Variants in SRPX2 observed in about 807,000 individuals in gnomAD.
SRPX2 encodes sushi repeat-containing protein SRPX2.
SRPX2 carries 26 observed loss-of-function variants against 45.3 expected under a neutral mutation model. That is an observed-to-expected ratio of 0.57 (90% CI 0.42 to 0.80). The LOEUF (loss-of-function observed/expected upper bound fraction) is 0.80, where lower values mean the gene tolerates loss of function less well. SRPX2 is among the 30% of genes least tolerant of loss of function. The pLI is 0.00. For synonymous variants in SRPX2, 125 were observed against 143.7 expected (o/e 0.87, Z 0.93); for missense variants, 355 against 399.8 (o/e 0.89, Z 0.95).
rs140667616 is a variant in SRPX2, at chrX:100,656,655, T to G, written c.164-5521T>G. On this transcript the variant is annotated intron_variant, in intron 3 of 10. Coordinates refer to ENST00000373004, the MANE Select transcript of SRPX2 (RefSeq NM_014467.3). Reference sequence around the variant, plus strand: ...TGCTGCAAATGACAGGATTTCATTCTTTATTATGGCCAAATACTATTCTAT... The same window carrying G: ...TGCTGCAAATGACAGGATTTCATTCGTTATTATGGCCAAATACTATTCTAT... 1.5e-3 allele frequency among the ~76,000 whole-genome samples: 163 copies of G among 112,409 alleles called. 1 individual carries two copies. Among genetic ancestry groups the G allele is most frequent in the African/African-American group, 5.1e-3 (157 of 30,957 alleles).
chrX:100,671,834 G>A lies in SRPX2; in HGVS notation c.*847G>A, dbSNP rs2083227407. 1 of 112,290 alleles carries A rather than the reference G, an allele frequency of 8.9e-6. No homozygotes were observed. Among genetic ancestry groups the A allele is most frequent in the Admixed American group, 9.4e-5 (1 of 10,653 alleles). 9.3% of individuals were successfully genotyped at this position (112,290 alleles called of 1,213,427 possible). On this transcript the variant is annotated 3_prime_UTR_variant, in exon 11 of 11. Transcript: ENST00000373004. ...GCTTCACTGTTAGAAAAACCCTGCAGTGGGAGAGAGCTTGGTAAGATGTAT... is the reference window on the plus strand; with the variant it reads ...GCTTCACTGTTAGAAAAACCCTGCAATGGGAGAGAGCTTGGTAAGATGTAT...
intron 8 of SRPX2, 58 bp downstream of exon 8, chrX:100,666,991 A>C: frequency 1.7e-6 from 2 of 1,162,812 alleles, no homozygotes; most frequent in South Asian, 3.7e-5. Context: ...ACTTTGGAGG[A>C]TCTTCCTCAT....
In SRPX2 at chrX:100,674,879, G is replaced by T. The variant is rs915837585; in HGVS notation, c.*3892G>T. The T allele has an allele frequency of 1.8e-5, 2 of 111,781 alleles. No individual in the cohort carries two copies. Among genetic ancestry groups the T allele is most frequent in the African/African-American group, 6.5e-5 (2 of 30,686 alleles). 9.2% of individuals were successfully genotyped at this position (111,781 alleles called of 1,213,427 possible). A position where few individuals can be genotyped will look rare whatever the true frequency, so the allele number is the denominator to read the frequency against. ...AAAAGCCTCAACACACTACACCCAT[G>T]TAATATGTAGGTCAAATTTAGGAAA... On this transcript the variant is annotated 3_prime_UTR_variant, in exon 11 of 11. Transcript: ENST00000373004.
Position 100,646,353 on chromosome X carries a change from C to T in SRPX2, c.31C>T (p.Leu11Phe), listed in dbSNP as rs1173142535. The change falls in exon 2 of 11, where the codon CTC becomes TTC. Residue 11 changes from leucine (L) to phenylalanine (F), a missense_variant. By Grantham distance (22) the Leu-to-Phe change is conservative (BLOSUM62 0). Coordinates refer to ENST00000373004, the MANE Select transcript of SRPX2 (RefSeq NM_014467.3). ...CAGTCAGCTAACTCAAAGAGGAGCT[C>T]TCTTTCTGCTGTTCTTCCTAACTCC... MASQLTQRGA[L>F]FLLFFLTPAV... 8.3e-7 allele frequency: 1 copy of T among 1,211,384 alleles called. No homozygotes were observed. The highest frequency in any genetic ancestry group is 2.2e-5 in the Admixed American group (1 of 46,045).
chrX:100,645,335 G>A (rs1028407856), intron 1 of SRPX2, among the ~76,000 whole-genome samples: 4 of 112,042 alleles, frequency 3.6e-5, no homozygotes, highest in African/African-American at 1.3e-4. Context: ...GTATTTGCCC[G>A]CTGGGAACCA....
intron 3 of SRPX2, among the ~76,000 whole-genome samples, chrX:100,652,691 G>A (rs748666566): frequency 9.0e-6 from 1 of 111,707 alleles, no homozygotes; most frequent in Non-Finnish European, 1.9e-5. Context: ...TGAGGGTAAA[G>A]GAAAGATGTT....
chrX:100,653,385 C>T (rs182019226), intron 3 of SRPX2, among the ~76,000 whole-genome samples: 1 of 111,500 alleles, frequency 9.0e-6, no homozygotes, highest in East Asian at 2.8e-4. Flanking sequence ...CCCTTTTCCT[C>T]ATCACTTCCT....
Position 100,673,617 on chromosome X carries a change from G to A in SRPX2, c.*2630G>A, listed in dbSNP as rs185985074. On this transcript the variant is annotated 3_prime_UTR_variant, in exon 11 of 11. Coordinates refer to ENST00000373004, the MANE Select transcript of SRPX2 (RefSeq NM_014467.3). ...ATACACACACACTCACTCACAAGCA[G>A]TACAGTCACTAAGTTGGCTAGGTAA... The A allele has an allele frequency of 8.9e-4, 99 of 111,125 alleles. No individual in the cohort carries two copies. Among genetic ancestry groups the A allele is most frequent in the African/African-American group, 3.1e-3 (96 of 30,534 alleles). 9.2% of individuals were successfully genotyped at this position (111,125 alleles called of 1,213,427 possible). A position where few individuals can be genotyped will look rare whatever the true frequency, so the allele number is the denominator to read the frequency against.
At chrX:100,668,166 A>T (rs2147650870) in intron 9 of SRPX2, among the ~76,000 whole-genome samples, 1 of 109,682 alleles carries the variant, frequency 9.1e-6, no homozygotes, top group East Asian at 2.9e-4. Context: ...GTTACTGAAG[A>T]TAATTCAGGA....
chrX:100,663,834 C>G (rs1462306415), intron 4 of SRPX2, among the ~76,000 whole-genome samples: 1 of 112,237 alleles, frequency 8.9e-6, no homozygotes, highest in Non-Finnish European at 1.9e-5. Context: ...TTACCAAATA[C>G]CACACCTGGC....
chrX:100,667,130 T>C, intron 8 of SRPX2, 144 bp from the exon 9 acceptor site: 8 of 1,047,841 alleles, frequency 7.6e-6, no homozygotes, highest in Non-Finnish European at 1.0e-5. Context: ...TCTCTAAGTG[T>C]TCTTTTAGGA....
intron 3 of SRPX2, among the ~76,000 whole-genome samples, chrX:100,655,769 G>A (rs977621089): frequency 2.7e-5 from 3 of 110,047 alleles, no homozygotes; most frequent in Admixed American, 9.7e-5. Context: ...TAGAACACAG[G>A]AGATACACAA....
rs746518092 is a variant in SRPX2 at position 100,669,417 on chromosome X, G to A, written c.1217+48G>A. On this transcript the variant is annotated intron_variant, in intron 10 of 10. Coordinates refer to ENST00000373004, the MANE Select transcript of SRPX2 (RefSeq NM_014467.3). ...ACTTGGGGGGAGGGGGGGCTGGGGC[G>A]GGGGGAGAAACCCTAGGCAGGACAC... 2.0e-4 allele frequency: 189 copies of A among 926,207 alleles called. 2 individuals carry two copies. The highest frequency in any genetic ancestry group is 2.2e-4 in the Non-Finnish European group (145 of 671,554). 76.3% of individuals were successfully genotyped at this position (926,207 alleles called of 1,213,427 possible). A position where few individuals can be genotyped will look rare whatever the true frequency, so the allele number is the denominator to read the frequency against.
intron 2 of SRPX2, among the ~76,000 whole-genome samples, chrX:100,648,811 G>C (rs1266373084): frequency 8.9e-6 from 1 of 112,066 alleles, no homozygotes; most frequent in African/African-American, 3.2e-5. Flanking sequence ...GATTGCAAAA[G>C]AGATTTTGGA....
At chrX:100,649,171 C>G (rs189518485) in intron 2 of SRPX2, 8 of 112,250 alleles carry the variant, frequency 7.1e-5, no homozygotes, top group African/African-American at 2.6e-4. Context: ...ACTCCTGACA[C>G]TCCTGTTTTC....
At chrX:100,645,612 T>A (rs958990558) in intron 1 of SRPX2, among the ~76,000 whole-genome samples, 2 of 112,158 alleles carry the variant, frequency 1.8e-5, no homozygotes, top group Non-Finnish European at 3.8e-5. Flanking sequence ...TTCAGTCCTG[T>A]CCAATACAAA....
At chrX:100,657,981 G>A (rs1281610200) in intron 3 of SRPX2, among the ~76,000 whole-genome samples, 2 of 112,321 alleles carry the variant, frequency 1.8e-5, no homozygotes, top group Admixed American at 9.4e-5. Flanking sequence ...TGAGTTGTTC[G>A]AGTTCCTTGT....
chrX:100,666,469 C>G (rs775657482), intron 7 of SRPX2, among the ~76,000 whole-genome samples: 88 of 112,635 alleles, frequency 7.8e-4, no homozygotes, highest in African/African-American at 2.8e-3. Flanking sequence ...TCCATAAAGT[C>G]TGGAAACAGA....
intron 2 of SRPX2, 59 bp downstream of exon 2, chrX:100,646,463 TTGGAGAAGGAAGAGTTAGAC>T (rs1489970649): frequency 9.7e-7 from 1 of 1,033,352 alleles, no homozygotes; most frequent in Non-Finnish European, 1.4e-6. Flanking sequence ...AGACCAAGAC[TTGGAGAAGGAAGAGTTAGAC>T]TACAAAAAGA....
Sources: allele counts gnomAD v4.1 joint callset (sites outside exome capture counted in the v4.1 genomes callset), GRCh38; gene constraint gnomAD v4.1.1; transcripts MANE v1.5; gene names NCBI Gene and HGNC (gene_info 2026-07-23, HGNC 2026-07-21).